The following SPTBN1 variants were observed in gnomAD, a reference collection of about 807,000 sequenced individuals.
SPTBN1 encodes spectrin beta chain, non-erythrocytic 1.
In SPTBN1, 32 loss-of-function variants were observed where a neutral mutation model predicts 266.4. The observed-to-expected ratio is 0.12, with a 90% CI of 0.09 to 0.16. The LOEUF (loss-of-function observed/expected upper bound fraction) is 0.16, where lower values mean the gene tolerates loss of function less well. SPTBN1 is among the 10% of genes least tolerant of loss of function. SPTBN1 has a pLI of 1.00. For synonymous variants in SPTBN1, 1,336 were observed against 1,162.2 expected (o/e 1.15, Z -3.04); for missense variants, 2,296 against 3,067.1 (o/e 0.75, Z 5.94).
chr2:54,598,958 G>C, intron 2 of SPTBN1, 134 bp from the exon 3 acceptor site: 2 of 853,648 alleles, frequency 2.3e-6, no homozygotes, highest in Non-Finnish European at 3.7e-6. Flanking sequence ...CAGTTAAGGG[G>C]CGCTAAGTAG....
rs1681269700 is a variant in SPTBN1 at position 54,664,780 on chromosome 2, G to A, written c.6659+89G>A. On this transcript the variant is annotated intron_variant, in intron 33 of 35. Transcript: ENST00000356805. This position sits in a 1 kb window ranked among gnomAD's most constrained non-coding sequence, Gnocchi z 5.6. ...CACTCTTGAATTGGAAGAGAAGTAT[G>A]TGCTCATGTAGTTTTATTCCTTTGG... is the stretch of plus-strand genomic sequence containing the variant. 1 of 1,326,496 alleles carries A rather than the reference G, an allele frequency of 7.5e-7. No homozygotes were observed. The allele number at this position is 1,326,496 out of a possible 1,614,324, so 82.2% of individuals were successfully genotyped here.
intron 1 of SPTBN1, among the ~76,000 whole-genome samples, chr2:54,502,191 G>C (rs987759178): frequency 2.6e-5 from 4 of 152,164 alleles, no homozygotes; most frequent in Admixed American, 2.0e-4. Flanking sequence ...TTCTGATCGG[G>C]GAGCTGGCGA....
At chr2:54,611,484 A>T (rs1331299735) in intron 3 of SPTBN1, among the ~76,000 whole-genome samples, 10 of 152,024 alleles carry the variant, frequency 6.6e-5, no homozygotes, top group South Asian at 2.1e-4. Context: ...CTATATATAT[A>T]TTTTTTGTTT....
intron 35 of SPTBN1, 80 bp from the exon 36 acceptor site, chr2:54,668,271 C>T (rs1008588309): frequency 3.0e-5 from 42 of 1,404,756 alleles, no homozygotes; most frequent in Admixed American, 5.4e-5. Context: ...TGGCCAGATG[C>T]GCCATTCCCA....
chr2:54,661,947 G>C, intron 32 of SPTBN1: 1 of 985,382 alleles, frequency 1.0e-6, no homozygotes, highest in Non-Finnish European at 1.2e-6. Flanking sequence ...CAATTGGCTT[G>C]TATGAGAAGA....
chr2:54,583,949 T>G (rs1164002580), intron 2 of SPTBN1, among the ~76,000 whole-genome samples: 1 of 152,162 alleles, frequency 6.6e-6, no homozygotes, highest in African/African-American at 2.4e-5. Context: ...TAATATGTGC[T>G]CCTAAAAAAA....
chr2:54,603,097 C>T (rs1426536084), intron 3 of SPTBN1, among the ~76,000 whole-genome samples: 1 of 152,054 alleles, frequency 6.6e-6, no homozygotes, highest in Non-Finnish European at 1.5e-5. Context: ...GATGAATGGC[C>T]CCAGAGCCCT....
rs1226614930 is a variant in SPTBN1 at position 54,661,055 on chromosome 2, G to C, written c.6420+1056G>C. ...CCTGGGAGCGCTCGCATGCCCCCTGGCTTCAGAAGTCATGTCAGTGTCTCT... is the reference window on the plus strand; with the variant it reads ...CCTGGGAGCGCTCGCATGCCCCCTGCCTTCAGAAGTCATGTCAGTGTCTCT... On this transcript the variant is annotated intron_variant, in intron 32 of 35. Transcript: ENST00000356805. 7.1e-6 allele frequency: 7 copies of C among 985,270 alleles called. No individual in the cohort carries two copies. In the East Asian group the frequency reaches 5.7e-4, roughly 80 times the overall value. 61.0% of individuals were successfully genotyped at this position (985,270 alleles called of 1,614,324 possible). A position where few individuals can be genotyped will look rare whatever the true frequency, so the allele number is the denominator to read the frequency against.
chr2:54,552,310 T>C (rs2104436735), intron 2 of SPTBN1, among the ~76,000 whole-genome samples: 1 of 152,302 alleles, frequency 6.6e-6, no homozygotes, highest in South Asian at 2.1e-4. Context: ...TTTGTAGACA[T>C]GTATCTCACT....
chr2:54,478,282 G>A lies in SPTBN1; in HGVS notation c.-48+21764G>A, dbSNP rs577623709. On this transcript the variant is annotated intron_variant, in intron 1 of 35. Coordinates refer to ENST00000356805, the MANE Select transcript of SPTBN1 (RefSeq NM_003128.3). ...TCATGCCCTCAGATGCTTGTGTCAG[G>A]TTCCAGTGATGGTAGCCTTGGAGTA... Among the ~76,000 whole-genome samples the A allele has an allele frequency of 9.7e-4, 148 of 152,180 alleles. 3 individuals carry two copies. In the South Asian group the frequency reaches 0.03, roughly 31 times the overall value.
chr2:54,581,577 C>CTTTTTTTTTTTTTT (rs70944181), intron 2 of SPTBN1, among the ~76,000 whole-genome samples: 22 of 102,644 alleles, frequency 2.1e-4, no homozygotes, highest in African/African-American at 4.9e-4. Flanking sequence ...TTTCTTTGCC[C>CTTTTTTTTTTTTTT]TTTTTTTTTT....
intron 1 of SPTBN1, among the ~76,000 whole-genome samples, chr2:54,491,606 T>A (rs1424556039): frequency 1.3e-5 from 2 of 152,098 alleles, no homozygotes; most frequent in Admixed American, 6.6e-5. Flanking sequence ...TCTCTCTCTT[T>A]TTTTTTTGGA....
chr2:54,527,460 C>T (rs1425527060), intron 2 of SPTBN1: 2 of 152,134 alleles, frequency 1.3e-5, no homozygotes, highest in East Asian at 3.9e-4. Context: ...ATGAAGCATG[C>T]ATCATTTAGA....
intron 3 of SPTBN1, among the ~76,000 whole-genome samples, chr2:54,605,825 TTG>T (rs1297588110): frequency 6.6e-6 from 1 of 152,216 alleles, no homozygotes; most frequent in Non-Finnish European, 1.5e-5. Context: ...TTGTTTATTC[TTG>T]TTATTCTGTG....
intron 2 of SPTBN1, among the ~76,000 whole-genome samples, chr2:54,539,075 CTG>C (rs1196579798): frequency 6.6e-6 from 1 of 152,194 alleles, no homozygotes; most frequent in Non-Finnish European, 1.5e-5. Flanking sequence ...CCCATGTTCT[CTG>C]TGTCTTATTA....
intron 2 of SPTBN1, among the ~76,000 whole-genome samples, chr2:54,582,825 C>G (rs1203721029): frequency 1.3e-5 from 2 of 152,172 alleles, no homozygotes; most frequent in Non-Finnish European, 2.9e-5. Flanking sequence ...AGTCAAACTG[C>G]TGGGACTGTG....
Position 54,649,488 on chromosome 2 carries a change from C to T in SPTBN1, c.5203-127C>T. On this transcript the variant is annotated intron_variant, in intron 25 of 35. Coordinates refer to ENST00000356805, the MANE Select transcript of SPTBN1 (RefSeq NM_003128.3). The surrounding 1 kb of genome is among the most constrained non-coding windows in gnomAD (Gnocchi z 6.7). ...GGTTCTCGAGCTAAGATCTATTGTT[C>T]TGAAGTCATGAGTATTATTGGCTAC... The T allele has an allele frequency of 7.2e-7, 1 of 1,393,084 alleles. No individual in the cohort carries two copies. Among genetic ancestry groups the T allele is most frequent in the South Asian group, 1.5e-5 (1 of 66,554 alleles). The allele number at this position is 1,393,084 out of a possible 1,614,324, so 86.3% of individuals were successfully genotyped here.
Position 54,649,656 on chromosome 2 carries a change from G to T in SPTBN1, c.5244G>T (p.Gly1748=), listed in dbSNP as rs757020890. The T allele has an allele frequency of 3.1e-6, 5 of 1,611,924 alleles. No homozygotes were observed. Among genetic ancestry groups the T allele is most frequent in the East Asian group, 2.2e-5 (1 of 44,798 alleles). The change falls in exon 26 of 36, where the codon GGG becomes GGT. Residue 1748 remains glycine (G), a synonymous_variant. Transcript: ENST00000356805. This position sits in a 1 kb window ranked among gnomAD's most constrained non-coding sequence, Gnocchi z 6.7. ...TCCGGGAGTTTGCCCGAGACACCGG[G>T]AACATTGGGCAGGAGCGCGTGGACA... ...ERFREFARDT[G]NIGQERVDTV... is the part of the protein sequence containing the mutation.
chr2:54,644,941 C>T (rs933869442), intron 20 of SPTBN1, among the ~76,000 whole-genome samples: 13 of 152,298 alleles, frequency 8.5e-5, no homozygotes, highest in African/African-American at 2.4e-4. Context: ...TGTTTAACAT[C>T]GTGATTTGTG....
Sources: gnomAD v4.1 joint callset for allele counts (sites outside exome capture counted in the v4.1 genomes callset) on GRCh38, gnomAD v4.1.1 for gene constraint, Gnocchi (gnomAD v3.1) non-coding constraint, MANE v1.5 for transcripts, NCBI Gene and HGNC (gene_info 2026-07-23, HGNC 2026-07-21) for gene names.